The following OPCML variants were observed in gnomAD, a reference collection of about 807,000 sequenced individuals.
OPCML encodes opioid-binding protein/cell adhesion molecule.
A neutral mutation model predicts 37.8 loss-of-function variants in OPCML; 13 were observed. The observed-to-expected ratio is 0.34, with a 90% CI of 0.22 to 0.55. The LOEUF is 0.55. OPCML is among the 20% of genes least tolerant of loss of function. The probability of loss-of-function intolerance (pLI) is 0.91; values close to 1 mark genes in which losing one functional copy is unlikely to be tolerated. For missense variants in OPCML, 341 were observed against 435.6 expected (o/e 0.78, Z 1.93); for synonymous variants, 176 against 168.8 (o/e 1.04, Z -0.33).
intron 2 of OPCML, among the ~76,000 whole-genome samples, chr11:132,726,947 A>G (rs1009316110): frequency 1.3e-5 from 2 of 152,066 alleles, no homozygotes; most frequent in African/African-American, 2.4e-5. Flanking sequence ...CTCCGTTTTA[A>G]TGTCTTTTAT....
intron 1 of OPCML, among the ~76,000 whole-genome samples, chr11:133,230,063 G>A (rs996586320): frequency 6.6e-6 from 1 of 152,020 alleles, no homozygotes; most frequent in African/African-American, 2.4e-5. Flanking sequence ...TCAATTTAAA[G>A]GATTAAAAAA....
intron 1 of OPCML, among the ~76,000 whole-genome samples, chr11:133,267,999 C>G (rs1170023963): frequency 1.3e-5 from 2 of 152,180 alleles, no homozygotes; most frequent in Admixed American, 1.3e-4. Context: ...CTAATATACT[C>G]CTTCTCTAGT....
intron 4 of OPCML, among the ~76,000 whole-genome samples, chr11:132,519,972 GC>G (rs1236166817): frequency 6.6e-6 from 1 of 152,164 alleles, no homozygotes; most frequent in Admixed American, 6.5e-5. Flanking sequence ...GGAAGTCTCA[GC>G]AGGTTTATTT....
chr11:132,987,391 G>C (rs184097848), intron 1 of OPCML, among the ~76,000 whole-genome samples: 48 of 152,184 alleles, frequency 3.2e-4, no homozygotes, highest in Non-Finnish European at 6.3e-4. Flanking sequence ...CGTGTACCTG[G>C]GGCAGCAAGC....
chr11:132,906,497 A>C lies in OPCML; in HGVS notation c.146+36429T>G, dbSNP rs368152115. Among the ~76,000 whole-genome samples the C allele has an allele frequency of 2.6e-5, 4 of 152,176 alleles. No individual in the cohort carries two copies. In the East Asian group the frequency reaches 7.7e-4, roughly 29 times the overall value. On this transcript the variant is annotated intron_variant, in intron 2 of 7. Transcript: ENST00000524381. ...GAGTCAAGTCTTTTTGGTAATATTA[A>C]TTTTAGATTGTGTAGGCACCATATT...
At chr11:132,519,717 A>C (rs1211417256) in intron 4 of OPCML, among the ~76,000 whole-genome samples, 1 of 152,180 alleles carries the variant, frequency 6.6e-6, no homozygotes, top group East Asian at 1.9e-4. Context: ...TTGTTTGCCC[A>C]TAACTGTTCC....
chr11:132,519,797 T>C (rs912557276), intron 4 of OPCML, among the ~76,000 whole-genome samples: 1 of 152,240 alleles, frequency 6.6e-6, no homozygotes, highest in South Asian at 2.1e-4. Context: ...AGGGATTAAT[T>C]AGGCTCTAAA....
At chr11:133,187,845 C>G (rs1938154507) in intron 1 of OPCML, among the ~76,000 whole-genome samples, 1 of 152,156 alleles carries the variant, frequency 6.6e-6, no homozygotes. Context: ...GGAACTGTCA[C>G]ATGTTTTTAT....
At chr11:132,515,956 C>G (rs1279172518) in intron 4 of OPCML, among the ~76,000 whole-genome samples, 1 of 152,094 alleles carries the variant, frequency 6.6e-6, no homozygotes, top group Non-Finnish European at 1.5e-5. Flanking sequence ...AGATCACTCA[C>G]CAATTTGTAA....
At chr11:132,978,804 T>C (rs1437830624) in intron 1 of OPCML, among the ~76,000 whole-genome samples, 1 of 151,918 alleles carries the variant, frequency 6.6e-6, no homozygotes, top group African/African-American at 2.4e-5. Context: ...TACATGTGTA[T>C]ATACACGCAC....
At chr11:133,217,525 A>G (rs1386416289) in intron 1 of OPCML, among the ~76,000 whole-genome samples, 1 of 152,118 alleles carries the variant, frequency 6.6e-6, no homozygotes, top group African/African-American at 2.4e-5. Context: ...AGAGGAATGA[A>G]TCTCCTTTGG....
At chr11:132,901,105 G>A (rs1186090450) in intron 2 of OPCML, among the ~76,000 whole-genome samples, 2 of 152,028 alleles carry the variant, frequency 1.3e-5, no homozygotes, top group Non-Finnish European at 2.9e-5. Context: ...ACTTGAACCC[G>A]GGAGGCGGAG....
intron 1 of OPCML, among the ~76,000 whole-genome samples, chr11:133,017,145 C>T (rs542237844): frequency 3.9e-5 from 6 of 152,256 alleles, no homozygotes; most frequent in East Asian, 3.9e-4. Flanking sequence ...TGTGTCCTCA[C>T]GTGGCAGAAA....
intron 2 of OPCML, among the ~76,000 whole-genome samples, chr11:132,872,998 G>T (rs371302218): frequency 1.1e-4 from 17 of 152,128 alleles, no homozygotes; most frequent in African/African-American, 3.6e-4. Flanking sequence ...ATCCTGCAAG[G>T]AAATGCAAGC....
intron 2 of OPCML, among the ~76,000 whole-genome samples, chr11:132,786,492 A>G (rs1276785265): frequency 6.6e-6 from 1 of 152,304 alleles, no homozygotes; most frequent in South Asian, 2.1e-4. Flanking sequence ...GACCTCTGGC[A>G]TTTCCTAGTA....
chr11:133,305,174 G>A (rs1254744412), intron 1 of OPCML, among the ~76,000 whole-genome samples: 2 of 152,164 alleles, frequency 1.3e-5, no homozygotes, highest in East Asian at 1.9e-4. Context: ...CAGAGATGTT[G>A]TGAGTATTAC....
chr11:133,213,283 T>C (rs2136345629), intron 1 of OPCML, among the ~76,000 whole-genome samples: 1 of 150,188 alleles, frequency 6.7e-6, no homozygotes, highest in African/African-American at 2.4e-5. Context: ...AAAGAAAACG[T>C]CCTAGAGTCA....
chr11:132,422,196 A>T (rs984155365), intron 7 of OPCML, among the ~76,000 whole-genome samples: 2 of 152,096 alleles, frequency 1.3e-5, no homozygotes, highest in African/African-American at 4.8e-5. Context: ...GATATGCTCC[A>T]CTCTAGACAG....
intron 4 of OPCML, among the ~76,000 whole-genome samples, chr11:132,479,409 G>T (rs2096169992): frequency 6.6e-6 from 1 of 152,238 alleles, no homozygotes; most frequent in Non-Finnish European, 1.5e-5. Context: ...TAGCACAGCA[G>T]TCTGAGCTCA....
Sources: allele counts gnomAD v4.1 joint callset (sites outside exome capture counted in the v4.1 genomes callset), GRCh38; gene constraint gnomAD v4.1.1; transcripts MANE v1.5; gene names NCBI Gene and HGNC (gene_info 2026-07-23, HGNC 2026-07-21).